BRAF: variants seen among roughly 807,000 people sequenced by gnomAD.
BRAF encodes B-Raf proto-oncogene, serine/threonine kinase, also known as serine/threonine-protein kinase B-raf.
In BRAF, 16 loss-of-function variants were observed where a neutral mutation model predicts 104.6. The observed-to-expected ratio is 0.15, with a 90% CI of 0.10 to 0.23. The LOEUF (loss-of-function observed/expected upper bound fraction) is 0.23, where lower values mean the gene tolerates loss of function less well. Ranked by LOEUF, BRAF falls within the 10% of genes least tolerant of loss-of-function variation. The probability of loss-of-function intolerance (pLI) is 1.00; values close to 1 mark genes in which losing one functional copy is unlikely to be tolerated. For missense variants in BRAF, 541 were observed against 937.3 expected (o/e 0.58, Z 5.52); for synonymous variants, 310 against 341.6 (o/e 0.91, Z 1.02).
At chr7:140,872,494 T>C (rs1476603832) in intron 1 of BRAF, among the ~76,000 whole-genome samples, 1 of 152,022 alleles carries the variant, frequency 6.6e-6, no homozygotes, top group Non-Finnish European at 1.5e-5. Flanking sequence ...CAAAGAAAAT[T>C]TAAGAATTTC....
intron 3 of BRAF, among the ~76,000 whole-genome samples, chr7:140,819,185 T>G (rs188701111): frequency 6.6e-6 from 1 of 152,230 alleles, no homozygotes; most frequent in African/African-American, 2.4e-5. Context: ...TCTCAGGTCA[T>G]TGGTATTTAT....
intron 2 of BRAF, among the ~76,000 whole-genome samples, chr7:140,839,258 C>G (rs1342906803): frequency 1.3e-5 from 2 of 151,976 alleles, no homozygotes; most frequent in Non-Finnish European, 2.9e-5. Flanking sequence ...GAGGATCACT[C>G]GAGGCCAGGA....
rs1043301775 is a variant in BRAF, at chr7:140,724,961, A to T, written c.*1533T>A. The T allele has an allele frequency of 6.7e-6, 7 of 1,043,092 alleles. No individual in the cohort carries two copies. The highest frequency in any genetic ancestry group is 1.7e-5 in the African/African-American group (1 of 59,862). The allele number at this position is 1,043,092 out of a possible 1,614,324, so 64.6% of individuals were successfully genotyped here. The stretch of plus-strand genomic sequence containing the variant: ...TTATATTTTCCATTTGTGCAAAGAT[A>T]AGATTTAGGTTCTTAATGAATGCCA... On this transcript the variant is annotated 3_prime_UTR_variant, in exon 20 of 20. Coordinates refer to ENST00000644969, the MANE Select transcript of BRAF (RefSeq NM_001374258.1).
chr7:140,736,941 T>C (rs1346806210), intron 18 of BRAF, among the ~76,000 whole-genome samples: 2 of 152,000 alleles, frequency 1.3e-5, no homozygotes, highest in Non-Finnish European at 2.9e-5. Flanking sequence ...TCCCAGCTAC[T>C]TAGGAGGCTG....
intron 5 of BRAF, 24 bp from the exon 6 acceptor site, chr7:140,801,584 A>G (rs771531879): frequency 6.2e-7 from 1 of 1,606,000 alleles, no homozygotes. Context: ...AATCACAGAG[A>G]TTTCAAAAAC....
intron 1 of BRAF, among the ~76,000 whole-genome samples, chr7:140,882,204 A>G (rs899861864): frequency 2.6e-5 from 4 of 152,170 alleles, no homozygotes; most frequent in Non-Finnish European, 1.5e-5. Flanking sequence ...AAATGTCTAC[A>G]ATCCTTTCTA....
chr7:140,850,698 T>C (rs998986737), intron 1 of BRAF, among the ~76,000 whole-genome samples: 1 of 152,204 alleles, frequency 6.6e-6, no homozygotes, highest in African/African-American at 2.4e-5. Flanking sequence ...TATATTTTAC[T>C]CCCTAATGGT....
At position 140,906,105 on chromosome 7, in the gene BRAF, A is replaced by G. The variant is rs1481743418; in HGVS notation, c.138+18461T>C. On this transcript the variant is annotated intron_variant, in intron 1 of 19. Coordinates refer to ENST00000644969, the MANE Select transcript of BRAF (RefSeq NM_001374258.1). ...TCCGTCTCAAAAAAAAAAAAAAAAA[A>G]AAAGAAATTAAAACATATAATTTAT... Among the ~76,000 whole-genome samples the G allele has an allele frequency of 3.1e-4, 47 of 150,380 alleles. 1 individual carries two copies. The highest frequency in any genetic ancestry group is 2.1e-4 in the Non-Finnish European group (14 of 67,786).
chr7:140,727,905 G>A (rs778700844), intron 19 of BRAF, among the ~76,000 whole-genome samples: 3 of 152,200 alleles, frequency 2.0e-5, no homozygotes, highest in Non-Finnish European at 4.4e-5. Context: ...ACACGCATGA[G>A]CCACCATGCC....
chr7:140,824,211 T>C (rs1159361519), intron 3 of BRAF: 1 of 152,214 alleles, frequency 6.6e-6, no homozygotes, highest in Non-Finnish European at 1.5e-5. Context: ...GGCCAAGAAA[T>C]CATTGACAAA....
chr7:140,920,665 T>A (rs188042861), intron 1 of BRAF, among the ~76,000 whole-genome samples: 1 of 152,358 alleles, frequency 6.6e-6, no homozygotes, highest in Non-Finnish European at 1.5e-5. Context: ...TCTTAGCTGT[T>A]TACTGACAGT....
At chr7:140,826,930 C>A (rs1296821186) in intron 3 of BRAF, among the ~76,000 whole-genome samples, 1 of 152,182 alleles carries the variant, frequency 6.6e-6, no homozygotes, top group Non-Finnish European at 1.5e-5. Flanking sequence ...TTGTTATGTG[C>A]ACTTGGTCTT....
intron 19 of BRAF, chr7:140,730,992 C>T (rs1156717398): frequency 1.3e-5 from 2 of 152,000 alleles, no homozygotes; most frequent in African/African-American, 2.4e-5. Flanking sequence ...TGACATTCTT[C>T]GTCATGACTT....
intron 14 of BRAF, among the ~76,000 whole-genome samples, chr7:140,769,629 T>TATA (rs2129013401): frequency 6.6e-6 from 1 of 152,374 alleles, no homozygotes; most frequent in East Asian, 1.9e-4. Flanking sequence ...TTAACTACTA[T>TATA]ATACGATTCT....
At chr7:140,760,961 C>T (rs1004274242) in intron 14 of BRAF, among the ~76,000 whole-genome samples, 11 of 152,170 alleles carry the variant, frequency 7.2e-5, no homozygotes, top group African/African-American at 2.4e-4. Flanking sequence ...TTGGAAAACA[C>T]TCTGCAGGAT....
chr7:140,889,920 G>C (rs1283714648), intron 1 of BRAF, among the ~76,000 whole-genome samples: 1 of 152,210 alleles, frequency 6.6e-6, no homozygotes, highest in African/African-American at 2.4e-5. Context: ...ACAATGTCTG[G>C]GTCCAAGTCC....
rs1795382218 is a variant in BRAF, at chr7:140,722,837, A to G, written c.*3657T>C. The G allele has an allele frequency of 6.6e-6, 7 of 1,053,146 alleles. No homozygotes were observed. Among genetic ancestry groups the G allele is most frequent in the Non-Finnish European group, 8.0e-6 (7 of 871,680 alleles). 65.2% of individuals were successfully genotyped at this position (1,053,146 alleles called of 1,614,324 possible). A position where few individuals can be genotyped will look rare whatever the true frequency, so the allele number is the denominator to read the frequency against. The stretch of plus-strand genomic sequence containing the variant: ...AATTTCATGCAATTGACTCAAGGTT[A>G]AGATTCTGAAACGTACCCCTAAACC... On this transcript the variant is annotated 3_prime_UTR_variant, in exon 20 of 20. Transcript: ENST00000644969.
intron 17 of BRAF, among the ~76,000 whole-genome samples, chr7:140,741,935 G>C (rs1171849659): frequency 1.3e-5 from 2 of 151,358 alleles, no homozygotes; most frequent in Non-Finnish European, 2.9e-5. Flanking sequence ...CTCCAGACTG[G>C]CCAACAGAGC....
chr7:140,911,136 T>C (rs1200377109), intron 1 of BRAF, among the ~76,000 whole-genome samples: 1 of 152,142 alleles, frequency 6.6e-6, no homozygotes, highest in Non-Finnish European at 1.5e-5. Flanking sequence ...TTCAGTCATT[T>C]AAGTATTAGA....
Sources: gnomAD v4.1 joint callset for allele counts (sites outside exome capture counted in the v4.1 genomes callset) on GRCh38, gnomAD v4.1.1 for gene constraint, MANE v1.5 for transcripts, NCBI Gene and HGNC (gene_info 2026-07-23, HGNC 2026-07-21) for gene names.